The following LIPC variants were observed in gnomAD, a reference collection of about 807,000 sequenced individuals.
LIPC encodes hepatic triacylglycerol lipase.
A neutral mutation model predicts 50.7 loss-of-function variants in LIPC; 44 were observed. That is an observed-to-expected ratio of 0.87 (90% CI 0.68 to 1.11). The LOEUF is 1.11. Ranked by LOEUF, LIPC falls within the 50% of genes most tolerant of loss-of-function variation. The pLI is 0.00. For missense variants in LIPC, 697 were observed against 648.2 expected (o/e 1.08, Z -0.82); for synonymous variants, 271 against 256.4 (o/e 1.06, Z -0.54).
chr15:58,434,528 T>TGAGGCCGCAGTGCTCTGTGTC (rs1351497581), intron 1 of LIPC, among the ~76,000 whole-genome samples: 1 of 152,200 alleles, frequency 6.6e-6, no homozygotes, highest in Admixed American at 6.5e-5. Flanking sequence ...ATCTGTCTAC[T>TGAGGCCGCAGTGCTCTGTGTC]GAGGCCGCAG....
At chr15:58,440,715 C>G (rs1182964079) in intron 1 of LIPC, among the ~76,000 whole-genome samples, 1 of 152,142 alleles carries the variant, frequency 6.6e-6, no homozygotes, top group Non-Finnish European at 1.5e-5. Context: ...TACAAGAGCC[C>G]TGAGGCAGCG....
intron 8 of LIPC, among the ~76,000 whole-genome samples, chr15:58,568,250 A>G (rs1208957324): frequency 2.0e-5 from 3 of 152,212 alleles, no homozygotes; most frequent in Non-Finnish European, 4.4e-5. Context: ...GAAACCGATG[A>G]CACTGGCCTC....
rs753325391 is a variant in LIPC, at chr15:58,548,536, C to T, written c.1015C>T (p.Leu339Phe). 1 of 1,597,568 alleles carries T rather than the reference C, an allele frequency of 6.3e-7. No homozygotes were observed. Among genetic ancestry groups the T allele is most frequent in the Non-Finnish European group, 8.5e-7 (1 of 1,171,926 alleles). Residue 339 changes from leucine (L) to phenylalanine (F), a missense_variant, in exon 6 of 9, where the codon CTC (leucine) becomes TTC (phenylalanine). Leu to Phe is a conservative substitution (Grantham distance 22, BLOSUM62 0). Coordinates refer to ENST00000299022, the MANE Select transcript of LIPC (RefSeq NM_000236.3). Reference protein sequence around the residue: ...RQEPRSKSKRLFLVTRAQSPF... With the variant: ...RQEPRSKSKRFFLVTRAQSPF... Reference sequence around the variant, plus strand: ...GGAGCCGCGGAGCAAGAGCAAGAGGCTCTTCCTCGTAACGCGAGCCCAGTC... The same window carrying T: ...GGAGCCGCGGAGCAAGAGCAAGAGGTTCTTCCTCGTAACGCGAGCCCAGTC...
intron 1 of LIPC, among the ~76,000 whole-genome samples, chr15:58,514,889 A>G (rs1203457674): frequency 6.6e-6 from 1 of 152,254 alleles, no homozygotes; most frequent in Non-Finnish European, 1.5e-5. Flanking sequence ...ACAAATTACT[A>G]CAAATTTAAT....
intron 1 of LIPC, among the ~76,000 whole-genome samples, chr15:58,525,719 G>T (rs1212154807): frequency 1.4e-4 from 21 of 152,150 alleles, no homozygotes; most frequent in African/African-American, 4.8e-4. Context: ...TGATCTTCTG[G>T]TCCATCCAAT....
chr15:58,432,571 A>C (rs912960367), intron 1 of LIPC, among the ~76,000 whole-genome samples: 15 of 152,210 alleles, frequency 9.9e-5, no homozygotes, highest in Admixed American at 3.3e-4. Context: ...TTCTATTTCC[A>C]GTCAGGTCTA....
chr15:58,463,809 A>T (rs1219597942), intron 1 of LIPC, among the ~76,000 whole-genome samples: 1 of 152,224 alleles, frequency 6.6e-6, no homozygotes, highest in Non-Finnish European at 1.5e-5. Context: ...CAATAAAGGC[A>T]TTCATCTCTT....
chr15:58,446,041 A>G (rs1272381239), intron 1 of LIPC, among the ~76,000 whole-genome samples: 1 of 152,142 alleles, frequency 6.6e-6, no homozygotes, highest in African/African-American at 2.4e-5. Flanking sequence ...AACTGTTTGC[A>G]TTTTCGTATA....
intron 1 of LIPC, among the ~76,000 whole-genome samples, chr15:58,460,965 G>A (rs953811050): frequency 6.6e-6 from 1 of 152,200 alleles, no homozygotes; most frequent in African/African-American, 2.4e-5. Context: ...AACATGGCAT[G>A]TAAGAGGGGT....
chr15:58,559,470 A>T (rs752765890), intron 6 of LIPC, among the ~76,000 whole-genome samples: 2 of 152,194 alleles, frequency 1.3e-5, no homozygotes, highest in Non-Finnish European at 2.9e-5. Flanking sequence ...CCAGACACTC[A>T]TCTTGCCCCA....
intron 6 of LIPC, among the ~76,000 whole-genome samples, chr15:58,550,236 G>T (rs533682164): frequency 1.3e-5 from 2 of 152,224 alleles, no homozygotes; most frequent in Non-Finnish European, 2.9e-5. Context: ...GAAGGGTGGG[G>T]GAATTGCTTT....
rs760027937 is a variant in LIPC at position 58,542,522 on chromosome 15, G to C, written c.457-12G>C. ...GCTCTTCTCCTGCCCCCATCCCGCT[G>C]CTGTCTTCCAGGAATCTGTGCAACT... On this transcript the variant is annotated splice_polypyrimidine_tract_variant and intron_variant, in intron 3 of 8. Transcript: ENST00000299022. 1 of 1,568,018 alleles carries C rather than the reference G, an allele frequency of 6.4e-7. No homozygotes were observed. The highest frequency in any genetic ancestry group is 1.1e-5 in the South Asian group (1 of 90,156).
chr15:58,502,949 CATT>C (rs1449515444), intron 1 of LIPC, among the ~76,000 whole-genome samples: 1 of 65,506 alleles, frequency 1.5e-5, no homozygotes, highest in African/African-American at 4.7e-5. Context: ...GGTGCTGAAA[CATT>C]GTTTAAAAAA....
In LIPC at chr15:58,446,895, A is replaced by G. The variant is rs114145446; in HGVS notation, c.88+14775A>G. Reference sequence around the variant, plus strand: ...GGCGAGGTGGCTTATGCCTGTAACCACAGCACTTTGGGAGGCCAGAGGCAG... The same window carrying G: ...GGCGAGGTGGCTTATGCCTGTAACCGCAGCACTTTGGGAGGCCAGAGGCAG... On this transcript the variant is annotated intron_variant, in intron 1 of 8. Transcript: ENST00000299022. Among the ~76,000 whole-genome samples the G allele has an allele frequency of 1.5e-3, 227 of 152,244 alleles. 1 individual carries two copies. Among genetic ancestry groups the G allele is most frequent in the African/African-American group, 5.0e-3 (206 of 41,556 alleles).
chr15:58,513,883 C>T (rs1366270363), intron 1 of LIPC, among the ~76,000 whole-genome samples: 3 of 152,174 alleles, frequency 2.0e-5, no homozygotes, highest in Admixed American at 1.3e-4. Context: ...TTCCAAACCT[C>T]GGGGCCATTT....
At chr15:58,441,634 T>G (rs1893512229) in intron 1 of LIPC, among the ~76,000 whole-genome samples, 1 of 152,174 alleles carries the variant, frequency 6.6e-6, no homozygotes, top group Non-Finnish European at 1.5e-5. Flanking sequence ...TTGTGCTGGT[T>G]GAGTCTAAGG....
chr15:58,505,383 T>C (rs1892113305), intron 1 of LIPC, among the ~76,000 whole-genome samples: 1 of 152,228 alleles, frequency 6.6e-6, no homozygotes, highest in African/African-American at 2.4e-5. Context: ...ATGTACTTTA[T>C]AGGGTTGTTG....
chr15:58,471,074 A>G (rs1338603911), intron 1 of LIPC, among the ~76,000 whole-genome samples: 1 of 151,604 alleles, frequency 6.6e-6, no homozygotes, highest in Non-Finnish European at 1.5e-5. Flanking sequence ...GCCTCAGGAC[A>G]TACCCAATGA....
intron 1 of LIPC, among the ~76,000 whole-genome samples, chr15:58,466,371 A>G (rs1192703342): frequency 6.6e-6 from 1 of 152,204 alleles, no homozygotes; most frequent in Non-Finnish European, 1.5e-5. Flanking sequence ...TGAAAGGTAG[A>G]CTGATGTTTT....
Sources: allele counts gnomAD v4.1 joint callset (sites outside exome capture counted in the v4.1 genomes callset), GRCh38; gene constraint gnomAD v4.1.1; transcripts MANE v1.5; gene names NCBI Gene and HGNC (gene_info 2026-07-23, HGNC 2026-07-21).